The following PPFIA2 variants were observed in gnomAD, a reference collection of about 807,000 sequenced individuals.
PPFIA2 encodes liprin-alpha-2.
In PPFIA2, 46 loss-of-function variants were observed where a neutral mutation model predicts 175.5. The observed-to-expected ratio is 0.26, with a 90% CI of 0.21 to 0.34. The LOEUF is 0.34. PPFIA2 is among the 10% of genes least tolerant of loss of function. The pLI is 1.00. For missense variants in PPFIA2, 1,179 were observed against 1,506.1 expected, an observed-to-expected ratio of 0.78 and a Z score of 3.60; for synonymous variants, 568 against 511.4, an observed-to-expected ratio of 1.11 and a Z score of -1.49.
chr12:81,636,115 T>C (rs533518894), intron 4 of PPFIA2, among the ~76,000 whole-genome samples: 2 of 152,180 alleles, frequency 1.3e-5, no homozygotes, highest in South Asian at 2.1e-4. Flanking sequence ...TATGGAAATA[T>C]GTTACAAAAT....
chr12:81,707,613 G>T (rs1290948267), intron 3 of PPFIA2, among the ~76,000 whole-genome samples: 2 of 149,110 alleles, frequency 1.3e-5, no homozygotes, highest in Non-Finnish European at 3.0e-5. Context: ...AGTCAGTGTG[G>T]CGATTCCTCA....
At chr12:81,354,623 T>C (rs1566388551) in intron 16 of PPFIA2, among the ~76,000 whole-genome samples, 1 of 151,940 alleles carries the variant, frequency 6.6e-6, no homozygotes, top group Admixed American at 6.6e-5. Flanking sequence ...TTAAAATCAA[T>C]GTCTTCTTAA....
At chr12:81,305,685 C>T (rs1340050719) in intron 22 of PPFIA2, among the ~76,000 whole-genome samples, 1 of 152,086 alleles carries the variant, frequency 6.6e-6, no homozygotes, top group Non-Finnish European at 1.5e-5. Context: ...GGCCGTTCAC[C>T]GTATGTACAC....
chr12:81,444,768 T>C (rs539972119), intron 6 of PPFIA2, among the ~76,000 whole-genome samples: 3 of 152,288 alleles, frequency 2.0e-5, no homozygotes, highest in East Asian at 3.9e-4. Flanking sequence ...TGGATTTTAA[T>C]GCTCAGAACT....
At chr12:81,700,720 A>T (rs2153600539) in intron 3 of PPFIA2, among the ~76,000 whole-genome samples, 1 of 152,262 alleles carries the variant, frequency 6.6e-6, no homozygotes, top group Non-Finnish European at 1.5e-5. Context: ...TATCACAGAA[A>T]TATTCCAGAG....
At chr12:81,272,601 A>G (rs531199345) in intron 28 of PPFIA2, among the ~76,000 whole-genome samples, 70 of 152,254 alleles carry the variant, frequency 4.6e-4, no homozygotes, top group African/African-American at 1.6e-3. Context: ...TTTTTAATAA[A>G]CACTGTCAGG....
chr12:81,309,064 AAAAT>A (rs1225438153), intron 22 of PPFIA2, among the ~76,000 whole-genome samples: 1 of 152,218 alleles, frequency 6.6e-6, no homozygotes, highest in African/African-American at 2.4e-5. Flanking sequence ...TGCATCACAG[AAAAT>A]AAATCTTCCT....
intron 4 of PPFIA2, chr12:81,505,794 T>C (rs2061097148): frequency 6.6e-6 from 1 of 152,240 alleles, no homozygotes; most frequent in African/African-American, 2.4e-5. Flanking sequence ...ATGTCAGAGA[T>C]GAGGTTTGCA....
intron 4 of PPFIA2, among the ~76,000 whole-genome samples, chr12:81,521,222 G>A (rs1451982931): frequency 1.3e-5 from 2 of 151,598 alleles, no homozygotes; most frequent in South Asian, 2.1e-4. Context: ...AAAAAAGTGC[G>A]GTGTAAAGAT....
At chr12:81,472,897 C>A (rs2056952552) in intron 4 of PPFIA2, 1 of 152,188 alleles carries the variant, frequency 6.6e-6, no homozygotes, top group Non-Finnish European at 1.5e-5. Flanking sequence ...GATGACTCTG[C>A]TTTCTTGGGA....
chr12:81,413,941 T>C (rs781615057), intron 7 of PPFIA2, among the ~76,000 whole-genome samples: 8 of 151,794 alleles, frequency 5.3e-5, no homozygotes, highest in Non-Finnish European at 8.9e-5. Context: ...TAAGAACTTC[T>C]AGCTGTAATA....
At chr12:81,679,276 G>GA (rs1254117565) in intron 3 of PPFIA2, among the ~76,000 whole-genome samples, 23 of 151,754 alleles carry the variant, frequency 1.5e-4, no homozygotes, top group Non-Finnish European at 2.4e-4. Context: ...TACTTAAAAT[G>GA]AAAAAAAGAT....
chr12:81,307,040 A>G (rs1371377294), intron 22 of PPFIA2, among the ~76,000 whole-genome samples: 1 of 152,176 alleles, frequency 6.6e-6, no homozygotes, highest in Non-Finnish European at 1.5e-5. Flanking sequence ...CACCTTTGCA[A>G]ATACCACTTC....
chr12:81,347,655 T>C lies in PPFIA2; in HGVS notation c.2110A>G (p.Ile704Val). The change falls in exon 18 of 33, where the codon ATT (isoleucine) becomes GTT (valine). Residue 704 changes from isoleucine (I) to valine (V), a missense_variant. By Grantham distance (29) the Ile-to-Val change is conservative. This residue lies in a region of PPFIA2 where 223 missense variants were observed against 241.6 expected (regional missense o/e 0.92). Transcript: ENST00000549396. ...GATGAAGCTGTAACAGAGGCAGTAA[T>C]GGAGGTACCTGGGTGGACCCTTGCC... ...NLARVHPGTS[I>V]TASVTASSLA... 1 of 1,613,824 alleles carries C rather than the reference T, an allele frequency of 6.2e-7. No individual in the cohort carries two copies. Among genetic ancestry groups the C allele is most frequent in the Non-Finnish European group, 8.5e-7 (1 of 1,179,808 alleles).
intron 4 of PPFIA2, among the ~76,000 whole-genome samples, chr12:81,621,393 G>A (rs1417255981): frequency 6.6e-6 from 1 of 152,200 alleles, no homozygotes; most frequent in Non-Finnish European, 1.5e-5. Flanking sequence ...ATTGGACATT[G>A]ATTTTTATTC....
chr12:81,569,396 G>A (rs1048013325), intron 4 of PPFIA2, among the ~76,000 whole-genome samples: 4 of 152,052 alleles, frequency 2.6e-5, no homozygotes, highest in Admixed American at 1.3e-4. Flanking sequence ...ACTCCACAAC[G>A]ATTTGAAAGT....
chr12:81,441,479 A>G (rs115136975), intron 6 of PPFIA2, among the ~76,000 whole-genome samples: 1 of 152,114 alleles, frequency 6.6e-6, no homozygotes, highest in Non-Finnish European at 1.5e-5. Context: ...ATCTTTCATC[A>G]TATTGAGCTA....
intron 3 of PPFIA2, among the ~76,000 whole-genome samples, chr12:81,733,443 T>G (rs1057509384): frequency 6.6e-6 from 1 of 151,624 alleles, no homozygotes; most frequent in Non-Finnish European, 1.5e-5. Context: ...TAAAATTTTG[T>G]TAAGAGGGTA....
chr12:81,695,825 T>C (rs1451341270), intron 3 of PPFIA2, among the ~76,000 whole-genome samples: 2 of 152,212 alleles, frequency 1.3e-5, no homozygotes, highest in East Asian at 3.9e-4. Context: ...TTTTGCACTT[T>C]ATATTTCCCA....
Sources: gnomAD v4.1 joint callset for allele counts (sites outside exome capture counted in the v4.1 genomes callset) on GRCh38, gnomAD v4.1.1 for gene constraint, gnomAD v4.1.1 regional missense constraint, MANE v1.5 for transcripts, NCBI Gene and HGNC (gene_info 2026-07-23, HGNC 2026-07-21) for gene names.